Variants in VWA3B observed in about 807,000 individuals in gnomAD.
VWA3B encodes the protein von Willebrand factor A domain containing 3B.
A neutral mutation model predicts 158.3 loss-of-function variants in VWA3B; 138 were observed. The ratio of observed to expected loss-of-function variants is 0.87; its 90% CI spans 0.76 to 1.00. VWA3B has a LOEUF of 1.00. Among genes scored for constraint, VWA3B ranks in the 50% least tolerant of loss-of-function variants. The pLI is 0.00. For synonymous variants in VWA3B, 596 were observed against 587.3 expected, an observed-to-expected ratio of 1.01 and a Z score of -0.21; for missense variants, 1,555 against 1,565.1, an observed-to-expected ratio of 0.99 and a Z score of 0.11.
At position 98,134,121 on chromosome 2, in the gene VWA3B, A is replaced by G. The variant is rs1676078550; in HGVS notation, c.988+182A>G. The G allele has an allele frequency of 8.2e-6, 5 of 613,060 alleles. 1 individual carries two copies. The highest frequency in any genetic ancestry group is 5.5e-5 in the East Asian group (2 of 36,266). The allele number at this position is 613,060 out of a possible 1,614,324, so 38.0% of individuals were successfully genotyped here. Reference sequence around the variant, plus strand: ...GAGTTTGTCAGCGTAGCAACCAGGCATAAGTTTACAATCCAGGGAAATGGC... The same window carrying G: ...GAGTTTGTCAGCGTAGCAACCAGGCGTAAGTTTACAATCCAGGGAAATGGC... On this transcript the variant is annotated intron_variant, in intron 7 of 27. Coordinates refer to ENST00000477737, the MANE Select transcript of VWA3B (RefSeq NM_144992.5).
At chr2:98,138,516 C>G (rs186260612) in intron 7 of VWA3B, among the ~76,000 whole-genome samples, 1 of 152,188 alleles carries the variant, frequency 6.6e-6, no homozygotes, top group Non-Finnish European at 1.5e-5. Flanking sequence ...TTCCCTGCTG[C>G]GTATGCCCCC....
At chr2:98,154,041 T>C (rs1480891822) in intron 7 of VWA3B, among the ~76,000 whole-genome samples, 1 of 152,092 alleles carries the variant, frequency 6.6e-6, no homozygotes, top group Non-Finnish European at 1.5e-5. Context: ...TTTGTATTTT[T>C]AGTAGAGACG....
intron 11 of VWA3B, 130 bp from the exon 12 acceptor site, chr2:98,194,231 G>GAATATA (rs1681839248): frequency 2.9e-5 from 23 of 797,004 alleles, no homozygotes; most frequent in Non-Finnish European, 4.3e-5. Flanking sequence ...ATTCTCTATT[G>GAATATA]AATATAATTT....
chr2:98,222,055 T>G (rs1684551758), intron 14 of VWA3B, among the ~76,000 whole-genome samples: 1 of 152,090 alleles, frequency 6.6e-6, no homozygotes, highest in South Asian at 2.1e-4. Context: ...AAGGAGAAAG[T>G]GTGAAACAGG....
At chr2:98,221,670 T>G (rs771410232) in intron 14 of VWA3B, among the ~76,000 whole-genome samples, 73 of 152,288 alleles carry the variant, frequency 4.8e-4, no homozygotes, top group Admixed American at 1.8e-3. Flanking sequence ...GGTGCTTACA[T>G]TCTCCTACTA....
intron 23 of VWA3B, among the ~76,000 whole-genome samples, chr2:98,294,577 G>A (rs934617723): frequency 1.4e-4 from 22 of 152,244 alleles, no homozygotes; most frequent in Non-Finnish European, 1.5e-4. Flanking sequence ...TCTGGATGCC[G>A]AAAGGCAAGG....
At chr2:98,208,949 G>A (rs1683259399) in intron 12 of VWA3B, among the ~76,000 whole-genome samples, 1 of 151,972 alleles carries the variant, frequency 6.6e-6, no homozygotes, top group Non-Finnish European at 1.5e-5. Flanking sequence ...AATTCACATA[G>A]TTTTCCTTCT....
chr2:98,171,378 T>A (rs543303132), intron 8 of VWA3B, among the ~76,000 whole-genome samples: 1 of 152,168 alleles, frequency 6.6e-6, no homozygotes, highest in South Asian at 2.1e-4. Flanking sequence ...GGAGCGTGTA[T>A]CTGAGGGTTG....
intron 7 of VWA3B, among the ~76,000 whole-genome samples, chr2:98,141,915 G>A (rs957867481): frequency 2.6e-5 from 4 of 152,142 alleles, no homozygotes; most frequent in African/African-American, 9.7e-5. Flanking sequence ...TGAGGTCCTG[G>A]CAGACCCAAG....
rs765989691 is a variant in VWA3B, at chr2:98,188,083, T to C, written c.1420T>C (p.Trp474Arg). 5 of 1,613,968 alleles carry C rather than the reference T, an allele frequency of 3.1e-6. No homozygotes were observed. The South Asian group carries it at 4.4e-5, about 14-fold the overall frequency. Residue 474 changes from tryptophan (W) to arginine (R), a missense_variant, in exon 10 of 28, where the codon TGG becomes CGG. Trp to Arg is a moderately radical substitution (Grantham distance 101). Coordinates refer to ENST00000477737, the MANE Select transcript of VWA3B (RefSeq NM_144992.5). ...CAACATTACCAAAGAGAAGTGCAAG[T>C]GGTACAGTGAGAGAATCCACACAGC... ...HVNITKEKCKWYSERIHTALA... is the reference protein window; with the variant it reads ...HVNITKEKCKRYSERIHTALA...
intron 23 of VWA3B, among the ~76,000 whole-genome samples, chr2:98,297,059 AAAAG>A (rs1366221889): frequency 6.6e-6 from 1 of 151,896 alleles, no homozygotes; most frequent in African/African-American, 2.4e-5. Flanking sequence ...GTATAACAAA[AAAAG>A]AAACTTCTTA....
chr2:98,202,142 CTT>C (rs938667688), intron 12 of VWA3B, among the ~76,000 whole-genome samples: 4 of 152,066 alleles, frequency 2.6e-5, no homozygotes, highest in Non-Finnish European at 5.9e-5. Flanking sequence ...ATCTGGGCCT[CTT>C]TTTTTGTTAG....
chr2:98,218,097 T>G (rs1574111071), intron 14 of VWA3B, 69 bp downstream of exon 14: 1 of 1,480,366 alleles, frequency 6.8e-7, no homozygotes, highest in African/African-American at 1.4e-5. Flanking sequence ...GGTCCCTGGG[T>G]AATACCTTCG....
At chr2:98,112,355 G>C (rs1348889945) in intron 2 of VWA3B, among the ~76,000 whole-genome samples, 1 of 151,444 alleles carries the variant, frequency 6.6e-6, no homozygotes, top group African/African-American at 2.4e-5. Flanking sequence ...GTTGGTTACT[G>C]TATCCTTGTA....
chr2:98,107,977 G>A (rs972114317), intron 2 of VWA3B, among the ~76,000 whole-genome samples: 2 of 151,450 alleles, frequency 1.3e-5, no homozygotes, highest in Non-Finnish European at 2.9e-5. Flanking sequence ...GAGATTTTAT[G>A]TTTTCTTATG....
chr2:98,303,885 C>G, intron 26 of VWA3B, 83 bp downstream of exon 26: 1 of 1,292,824 alleles, frequency 7.7e-7, no homozygotes, highest in Non-Finnish European at 1.1e-6. Flanking sequence ...GATCCATGAC[C>G]TCTAAATACT....
At chr2:98,291,694 G>A (rs1203412024) in intron 23 of VWA3B, 1 of 152,264 alleles carries the variant, frequency 6.6e-6, no homozygotes, top group Non-Finnish European at 1.5e-5. Flanking sequence ...TCGGGTGGTA[G>A]ATAGATAGTG....
chr2:98,215,250 G>A (rs1267648868), intron 13 of VWA3B, among the ~76,000 whole-genome samples: 5 of 151,706 alleles, frequency 3.3e-5, no homozygotes, highest in East Asian at 4.0e-4. Flanking sequence ...AGACCATCCC[G>A]GCTAACACGG....
the VWA3B span, among the ~76,000 whole-genome samples, chr2:98,324,769 G>C: frequency 6.6e-6 from 1 of 152,134 alleles, no homozygotes; most frequent in Non-Finnish European, 1.5e-5. Context: ...AGATGATCCA[G>C]CTGTTGGATT....
Sources: allele counts gnomAD v4.1 joint callset (sites outside exome capture counted in the v4.1 genomes callset), GRCh38; gene constraint gnomAD v4.1.1; transcripts MANE v1.5; gene names NCBI Gene and HGNC (gene_info 2026-07-23, HGNC 2026-07-21).